Variants in AQR observed in about 807,000 individuals in gnomAD.
AQR encodes aquarius intron-binding spliceosomal factor, also known as RNA helicase aquarius.
AQR carries 61 observed loss-of-function variants against 180.5 expected under a neutral mutation model. The ratio of observed to expected loss-of-function variants is 0.34; its 90% CI spans 0.28 to 0.42. The LOEUF (loss-of-function observed/expected upper bound fraction) is 0.42, where lower values mean the gene tolerates loss of function less well. AQR is among the 10% of genes least tolerant of loss of function. The pLI, the probability that AQR is intolerant of heterozygous loss-of-function variation, is 1.00. For synonymous variants in AQR, 551 were observed against 588.8 expected (o/e 0.94, Z 0.93); for missense variants, 1,281 against 1,798.3 (o/e 0.71, Z 5.20).
chr15:34,948,436 T>C (rs1375816304), intron 4 of AQR, 52 bp from the exon 5 acceptor site: 1 of 1,577,940 alleles, frequency 6.3e-7, no homozygotes, highest in Non-Finnish European at 8.6e-7. Context: ...CCACTCACTG[T>C]AATACATAAC....
intron 16 of AQR, among the ~76,000 whole-genome samples, chr15:34,914,086 A>T (rs918072752): frequency 6.6e-6 from 1 of 152,266 alleles, no homozygotes; most frequent in Non-Finnish European, 1.5e-5. Context: ...ATCAGTTCAC[A>T]TTCCAAAGCT....
chr15:34,932,055 A>G (rs1371017352), intron 11 of AQR, among the ~76,000 whole-genome samples: 1 of 152,244 alleles, frequency 6.6e-6, no homozygotes, highest in Non-Finnish European at 1.5e-5. Context: ...TATATTTCAC[A>G]TAAAATCAAA....
chr15:34,867,232 T>C (rs749485501), intron 32 of AQR, among the ~76,000 whole-genome samples: 17 of 152,112 alleles, frequency 1.1e-4, no homozygotes, highest in Non-Finnish European at 2.1e-4. Context: ...ATTTCTGATA[T>C]TAAGTTTCTA....
chr15:34,962,128 C>T (rs1332679196), intron 2 of AQR, among the ~76,000 whole-genome samples: 1 of 150,906 alleles, frequency 6.6e-6, no homozygotes, highest in African/African-American at 2.4e-5. Context: ...TCTCAACTAT[C>T]CTCCAGCCGC....
At chr15:34,932,182 T>A in intron 11 of AQR, 136 bp downstream of exon 11, 1 of 647,422 alleles carries the variant, frequency 1.5e-6, no homozygotes, top group Non-Finnish European at 2.6e-6. Flanking sequence ...AAGAATACAT[T>A]CATTTTATAT....
chr15:34,869,147 G>A (rs1892779544), intron 31 of AQR: 1 of 152,086 alleles, frequency 6.6e-6, no homozygotes, highest in African/African-American at 2.4e-5. Flanking sequence ...AGTTTCAGTT[G>A]TTGTACATCC....
chr15:34,906,035 G>C (rs766278059), intron 18 of AQR, among the ~76,000 whole-genome samples: 14 of 151,528 alleles, frequency 9.2e-5, no homozygotes, highest in Non-Finnish European at 1.3e-4. Context: ...CTCCGTCTTG[G>C]GGGGAAAAAA....
At chr15:34,878,197 C>A (rs538433331) in intron 27 of AQR, among the ~76,000 whole-genome samples, 1 of 151,924 alleles carries the variant, frequency 6.6e-6, no homozygotes, top group South Asian at 2.1e-4. Flanking sequence ...CCAGCCTGGT[C>A]AACATGGTGA....
At chr15:34,956,416 C>T (rs1015842772) in intron 3 of AQR, among the ~76,000 whole-genome samples, 17 of 151,914 alleles carry the variant, frequency 1.1e-4, no homozygotes, top group Non-Finnish European at 2.1e-4. Flanking sequence ...TTTGGGAGGC[C>T]GAGGTGGGCG....
chr15:34,892,933 C>T (rs1482318357), intron 23 of AQR, among the ~76,000 whole-genome samples: 3 of 152,196 alleles, frequency 2.0e-5, no homozygotes, highest in African/African-American at 7.2e-5. Context: ...CAAAATATTA[C>T]AGGTCAGAAT....
At chr15:34,909,274 T>C (rs535674719) in intron 17 of AQR, among the ~76,000 whole-genome samples, 3 of 152,206 alleles carry the variant, frequency 2.0e-5, no homozygotes, top group Non-Finnish European at 4.4e-5. Flanking sequence ...GGGCTTTAAG[T>C]AAGACCTCTC....
chr15:34,962,765 A>G (rs1595813383), intron 2 of AQR, among the ~76,000 whole-genome samples: 1 of 151,216 alleles, frequency 6.6e-6, no homozygotes, highest in South Asian at 2.1e-4. Flanking sequence ...GCGAGACTCC[A>G]CCTCCAAAAA....
Position 34,965,827 on chromosome 15 carries a change from T to C in AQR, c.76-1537A>G, listed in dbSNP as rs531658128. Among the ~76,000 whole-genome samples the C allele has an allele frequency of 2.6e-5, 4 of 152,304 alleles. No homozygotes were observed. The East Asian group carries it at 5.8e-4, about 22-fold the overall frequency. On this transcript the variant is annotated intron_variant, in intron 1 of 34. Coordinates refer to ENST00000156471, the MANE Select transcript of AQR (RefSeq NM_014691.3). ...ATTCAGTCATCTTCTTCTTACATCA[T>C]ACCATTAAGAGAATTGAGTCTAACC...
Position 34,931,573 on chromosome 15 carries a change from C to T in AQR, c.900+745G>A, listed in dbSNP as rs191526266. Among the ~76,000 whole-genome samples the T allele has an allele frequency of 2.4e-3, 371 of 152,236 alleles. 1 individual carries two copies. Among genetic ancestry groups the T allele is most frequent in the African/African-American group, 8.5e-3 (353 of 41,532 alleles). ...CTGTAATCCTAGCATTTTGGGAGGC[C>T]GAGGTGGCCAAATTGCCTTAGTTCA... On this transcript the variant is annotated intron_variant, in intron 11 of 34. Transcript: ENST00000156471.
At chr15:34,907,293 A>G (rs1004742897) in intron 17 of AQR, among the ~76,000 whole-genome samples, 5 of 152,246 alleles carry the variant, frequency 3.3e-5, no homozygotes, top group African/African-American at 1.2e-4. Flanking sequence ...ATGTCAAGAA[A>G]AAGGAGACTT....
intron 15 of AQR, among the ~76,000 whole-genome samples, chr15:34,916,678 G>A (rs2140484233): frequency 6.6e-6 from 1 of 151,910 alleles, no homozygotes; most frequent in East Asian, 1.9e-4. Flanking sequence ...GATAGTATGT[G>A]CCTCCTGATG....
At chr15:34,915,852 A>C (rs1200792010) in intron 15 of AQR, among the ~76,000 whole-genome samples, 1 of 152,054 alleles carries the variant, frequency 6.6e-6, no homozygotes, top group Non-Finnish European at 1.5e-5. Flanking sequence ...AGGCTGAGGC[A>C]GGAGAATCAC....
chr15:34,932,236 C>G, intron 11 of AQR, 82 bp downstream of exon 11: 6 of 1,182,552 alleles, frequency 5.1e-6, no homozygotes, highest in Non-Finnish European at 7.5e-6. Context: ...GTGTTATGCC[C>G]TGATACTCCC....
intron 24 of AQR, among the ~76,000 whole-genome samples, chr15:34,887,174 T>C (rs938737171): frequency 6.6e-6 from 1 of 151,976 alleles, no homozygotes; most frequent in Non-Finnish European, 1.5e-5. Flanking sequence ...GGAACAGTAT[T>C]GATCTGCAAG....
Sources: allele counts gnomAD v4.1 joint callset (sites outside exome capture counted in the v4.1 genomes callset), GRCh38; gene constraint gnomAD v4.1.1; transcripts MANE v1.5; gene names NCBI Gene and HGNC (gene_info 2026-07-23, HGNC 2026-07-21).